SRD5A2: variants seen among roughly 807,000 people sequenced by gnomAD.
The protein encoded by SRD5A2 is steroid 5 alpha-reductase 2.
Under a neutral mutation model 27.4 loss-of-function variants are expected in SRD5A2, and 30 were observed. The ratio of observed to expected loss-of-function variants is 1.10; its 90% CI spans 0.82 to 1.49. SRD5A2 has a LOEUF of 1.49. Among genes scored for constraint, SRD5A2 ranks in the 40% most tolerant of loss-of-function variants. The probability of loss-of-function intolerance (pLI) is 0.00; values close to 1 mark genes in which losing one functional copy is unlikely to be tolerated. For synonymous variants in SRD5A2, 141 were observed against 133.6 expected (o/e 1.06, Z -0.38); for missense variants, 348 against 323.4 (o/e 1.08, Z -0.58).
chr2:31,528,971 G>C (rs191845735), intron 4 of SRD5A2, among the ~76,000 whole-genome samples: 1 of 152,168 alleles, frequency 6.6e-6, no homozygotes, highest in Admixed American at 6.5e-5. Context: ...CAGAGCCTGG[G>C]TCAGCTAACC....
chr2:31,581,286 C>T (rs1232032752), upstream of SRD5A2, among the ~76,000 whole-genome samples: 1 of 152,164 alleles, frequency 6.6e-6, no homozygotes, highest in Non-Finnish European at 1.5e-5. Flanking sequence ...GTTCTTCCGC[C>T]CCAACACACA....
chr2:31,629,106 G>A, the SRD5A2 span, among the ~76,000 whole-genome samples: 2 of 152,108 alleles, frequency 1.3e-5, no homozygotes, highest in East Asian at 3.9e-4. Flanking sequence ...CCCAATGCCG[G>A]TCTAGAAAAC....
the SRD5A2 span, among the ~76,000 whole-genome samples, chr2:31,624,070 T>G: frequency 2.6e-5 from 4 of 152,100 alleles, no homozygotes; most frequent in African/African-American, 9.7e-5. Flanking sequence ...TTTTCTTTTT[T>G]TGTTGCTGTT....
At chr2:31,579,798 T>G (rs1276628621) in intron 1 of SRD5A2, among the ~76,000 whole-genome samples, 1 of 152,226 alleles carries the variant, frequency 6.6e-6, no homozygotes, top group Non-Finnish European at 1.5e-5. Context: ...AGTCTTTCTC[T>G]GAACCCTGAC....
At chr2:31,574,891 A>G (rs933908981) in intron 1 of SRD5A2, among the ~76,000 whole-genome samples, 14 of 152,228 alleles carry the variant, frequency 9.2e-5, no homozygotes, top group Admixed American at 2.0e-4. Context: ...GCTTTATTGG[A>G]ATACAACCAC....
At chr2:31,639,740 T>G in the SRD5A2 span, among the ~76,000 whole-genome samples, 2 of 152,268 alleles carry the variant, frequency 1.3e-5, no homozygotes, top group South Asian at 4.1e-4. Flanking sequence ...CTTTAGGTGT[T>G]ATTTGCATCT....
At chr2:31,569,309 C>G (rs1666802916) in intron 1 of SRD5A2, among the ~76,000 whole-genome samples, 1 of 152,226 alleles carries the variant, frequency 6.6e-6, no homozygotes, top group South Asian at 2.1e-4. Context: ...ATATGTTTCA[C>G]TTTTTAAGAA....
At chr2:31,606,298 T>C in the SRD5A2 span, among the ~76,000 whole-genome samples, 2 of 151,986 alleles carry the variant, frequency 1.3e-5, no homozygotes, top group African/African-American at 4.8e-5. Context: ...AGAGCATAAT[T>C]GGATTGTTTG....
chr2:31,647,577 A>G, the SRD5A2 span, among the ~76,000 whole-genome samples: 1 of 152,194 alleles, frequency 6.6e-6, no homozygotes. Flanking sequence ...CTAGTTATAA[A>G]TGCTATAATA....
At chr2:31,659,856 T>C in the SRD5A2 span, among the ~76,000 whole-genome samples, 3 of 152,114 alleles carry the variant, frequency 2.0e-5, no homozygotes, top group African/African-American at 7.2e-5. Context: ...AAAATGGTAA[T>C]TCCTTTTACC....
rs145911464 is a variant in SRD5A2 at position 31,554,471 on chromosome 2, A to G, written c.282-20705T>C. ...GAAGAGCTCTAGGTATAGTTTTTCAATATGGACATTCCCTGTGGTATTGGA... is the reference window on the plus strand; with the variant it reads ...GAAGAGCTCTAGGTATAGTTTTTCAGTATGGACATTCCCTGTGGTATTGGA... On this transcript the variant is annotated intron_variant, in intron 1 of 4. Transcript: ENST00000622030. Among the ~76,000 whole-genome samples, 506 of 152,336 alleles carry G rather than the reference A, an allele frequency of 3.3e-3. 8 individuals are homozygous for G. Among genetic ancestry groups the G allele is most frequent in the African/African-American group, 0.011 (472 of 41,582 alleles).
intron 1 of SRD5A2, among the ~76,000 whole-genome samples, chr2:31,543,666 T>C (rs1022201791): frequency 2.0e-5 from 3 of 152,170 alleles, no homozygotes; most frequent in Non-Finnish European, 4.4e-5. Flanking sequence ...GAGTTTTATG[T>C]TATTGAAATT....
At chr2:31,620,596 A>C in the SRD5A2 span, among the ~76,000 whole-genome samples, 1 of 152,004 alleles carries the variant, frequency 6.6e-6, no homozygotes, top group African/African-American at 2.4e-5. Flanking sequence ...TTGAACCCAC[A>C]ATATCTCCAA....
intron 1 of SRD5A2, 38 bp from the exon 2 acceptor site, chr2:31,533,804 T>C (rs1665968911): frequency 2.5e-6 from 4 of 1,576,452 alleles, no homozygotes; most frequent in Non-Finnish European, 3.4e-6. Context: ...GATTCACTGT[T>C]AAAAAAGAAC....
At chr2:31,586,280 C>T in the SRD5A2 span, among the ~76,000 whole-genome samples, 1 of 152,198 alleles carries the variant, frequency 6.6e-6, no homozygotes, top group African/African-American at 2.4e-5. Context: ...TTACTCTAGT[C>T]CCTGACTCCT....
At chr2:31,624,225 AC>A in the SRD5A2 span, among the ~76,000 whole-genome samples, 2 of 152,232 alleles carry the variant, frequency 1.3e-5, no homozygotes, top group African/African-American at 4.8e-5. Flanking sequence ...CCCTTGTGTT[AC>A]AAACAATCCA....
At chr2:31,600,800 A>G in the SRD5A2 span, among the ~76,000 whole-genome samples, 5 of 151,968 alleles carry the variant, frequency 3.3e-5, no homozygotes, top group Non-Finnish European at 7.4e-5. Context: ...ATATTGATGC[A>G]AAAATTCTCA....
chr2:31,657,955 C>T, the SRD5A2 span, among the ~76,000 whole-genome samples: 1 of 151,990 alleles, frequency 6.6e-6, no homozygotes, highest in South Asian at 2.1e-4. Context: ...AAAAGTAGAA[C>T]AGTAAATACA....
chr2:31,564,652 T>C (rs1666693129), intron 1 of SRD5A2, among the ~76,000 whole-genome samples: 1 of 151,882 alleles, frequency 6.6e-6, no homozygotes, highest in Admixed American at 6.6e-5. Flanking sequence ...TAGGCAAAGA[T>C]AAGAAGATAC....
Sources: gnomAD v4.1 joint callset for allele counts (sites outside exome capture counted in the v4.1 genomes callset) on GRCh38, gnomAD v4.1.1 for gene constraint, MANE v1.5 for transcripts, NCBI Gene and HGNC (gene_info 2026-07-23, HGNC 2026-07-21) for gene names.